The following SRP68 variants were observed in gnomAD, a reference collection of about 807,000 sequenced individuals.
SRP68 encodes signal recognition particle 68, also known as signal recognition particle subunit SRP68.
Under a neutral mutation model 82.2 loss-of-function variants are expected in SRP68, and 15 were observed. The observed-to-expected ratio is 0.18, with a 90% CI of 0.12 to 0.28. The LOEUF (loss-of-function observed/expected upper bound fraction) is 0.28, where lower values mean the gene tolerates loss of function less well. Among genes scored for constraint, SRP68 ranks in the 10% least tolerant of loss-of-function variants. The pLI is 1.00. For synonymous variants in SRP68, 261 were observed against 292.6 expected (o/e 0.89, Z 1.10); for missense variants, 595 against 780.5 (o/e 0.76, Z 2.83).
chr17:76,068,441 G>A (rs2066824099), intron 2 of SRP68, among the ~76,000 whole-genome samples: 1 of 146,716 alleles, frequency 6.8e-6, no homozygotes, highest in Non-Finnish European at 1.5e-5. Context: ...AGGCAACAGA[G>A]CAAGACTGTG....
Position 76,060,125 on chromosome 17 carries a change from CAAAAAAA to C in SRP68, c.837+176_837+182del, listed in dbSNP as rs1168111688. 8.0e-4 allele frequency among the ~76,000 whole-genome samples: 23 copies of C among 28,794 alleles called. No individual in the cohort carries two copies. The Admixed American group carries it at 0.011, about 14-fold the overall frequency. 18.9% of individuals were successfully genotyped at this position (28,794 alleles called of 152,430 possible). A position where few individuals can be genotyped will look rare whatever the true frequency, so the allele number is the denominator to read the frequency against. ...TGGGTGACAGAGCGAGACTCCATCT[CAAAAAAA>C]AAAAAAAAAAAAAAAAAAGAAAAAG... On this transcript the variant is annotated intron_variant, in intron 7 of 15. Transcript: ENST00000307877.
chr17:76,064,254 G>A (rs1350786124), intron 3 of SRP68, 83 bp from the exon 4 acceptor site: 12 of 1,294,738 alleles, frequency 9.3e-6, no homozygotes, highest in Non-Finnish European at 1.3e-5. Context: ...TCGGCTTCTC[G>A]GCTTTTCTTT....
intron 6 of SRP68, chr17:76,060,693 C>A (rs2066746584): frequency 5.4e-6 from 2 of 369,010 alleles, no homozygotes; most frequent in South Asian, 4.4e-5. Flanking sequence ...GATGGTGTGT[C>A]TATAAAGGGC....
At chr17:76,049,105 CAG>C (rs748716624) in intron 9 of SRP68, 1 of 152,190 alleles carries the variant, frequency 6.6e-6, no homozygotes, top group Non-Finnish European at 1.5e-5. Context: ...TTACAAAATG[CAG>C]AGAGTTCTGG....
chr17:76,062,977 A>T (rs556893085), intron 4 of SRP68, among the ~76,000 whole-genome samples: 7 of 150,506 alleles, frequency 4.7e-5, no homozygotes, highest in East Asian at 2.0e-4. Context: ...TCACCGTGTT[A>T]GCCAGGATGG....
chr17:76,072,157 G>A lies in SRP68; in HGVS notation c.184+151C>T, dbSNP rs983396464. The stretch of plus-strand genomic sequence containing the variant: ...ACTAGTCGAGAGACAGACCCCCCCC[G>A]GAATTCTGAGCACCAAAAGGTAAGG... On this transcript the variant is annotated intron_variant, in intron 1 of 15. Transcript: ENST00000307877. The surrounding 1 kb of genome is among the most constrained non-coding windows in gnomAD (Gnocchi z 4.5). The A allele has an allele frequency of 1.6e-6, 2 of 1,236,398 alleles. No individual in the cohort carries two copies. The highest frequency in any genetic ancestry group is 2.2e-6 in the Non-Finnish European group (2 of 900,302). The allele number at this position is 1,236,398 out of a possible 1,614,324, so 76.6% of individuals were successfully genotyped here.
chr17:76,063,687 G>C (rs4789239), intron 4 of SRP68, among the ~76,000 whole-genome samples: 449 of 23,842 alleles, frequency 0.019, 10 homozygotes, highest in African/African-American at 0.12. Flanking sequence ...GACTCTGTCT[G>C]AAAAAAAAAA....
chr17:76,048,572 T>A (rs2066648490), intron 9 of SRP68: 1 of 152,154 alleles, frequency 6.6e-6, no homozygotes, highest in African/African-American at 2.4e-5. Flanking sequence ...GAGGAGCTGA[T>A]CGCTTTGAAG....
chr17:76,070,522 G>T, intron 1 of SRP68, 78 bp from the exon 2 acceptor site: 2 of 1,207,432 alleles, frequency 1.7e-6, no homozygotes, highest in South Asian at 1.2e-5. Flanking sequence ...GTCTATATCT[G>T]TGTCAAACCA....
intron 2 of SRP68, among the ~76,000 whole-genome samples, chr17:76,068,831 G>A (rs919307111): frequency 3.4e-4 from 52 of 152,076 alleles, no homozygotes; most frequent in South Asian, 2.1e-4. Context: ...CTCGAACTCC[G>A]GGGCTTAAGC....
Position 76,072,505 on chromosome 17 carries a change from C to T in SRP68, c.-14G>A, listed in dbSNP as rs960045773. ...CTCAGCAGCCATCTTGCCCCTGCGCCGCAGAGCAAGACGGGATAGGGGAGG... is the reference window on the plus strand; with the variant it reads ...CTCAGCAGCCATCTTGCCCCTGCGCTGCAGAGCAAGACGGGATAGGGGAGG... On this transcript the variant is annotated 5_prime_UTR_variant, in exon 1 of 16. Coordinates refer to ENST00000307877, the MANE Select transcript of SRP68 (RefSeq NM_014230.4). The surrounding 1 kb of genome is among the most constrained non-coding windows in gnomAD (Gnocchi z 4.5). The T allele has an allele frequency of 6.3e-7, 1 of 1,580,586 alleles. No homozygotes were observed. The highest frequency in any genetic ancestry group is 1.1e-5 in the South Asian group (1 of 88,402).
At chr17:76,051,165 C>A (rs1278129107) in intron 8 of SRP68, among the ~76,000 whole-genome samples, 1 of 152,204 alleles carries the variant, frequency 6.6e-6, no homozygotes, top group Non-Finnish European at 1.5e-5. Context: ...ACTCTGAGAA[C>A]AATTTTTAGG....
Position 76,051,509 on chromosome 17 carries a change from C to T in SRP68, c.979-983G>A, listed in dbSNP as rs546019808. On this transcript the variant is annotated intron_variant, in intron 8 of 15. Coordinates refer to ENST00000307877, the MANE Select transcript of SRP68 (RefSeq NM_014230.4). The stretch of plus-strand genomic sequence containing the variant: ...GCTCAAACGAAAACCCAGTGCTGCC[C>T]ACCCCTTTAAGAGATGGTTGGGGGA... 4.6e-5 allele frequency among the ~76,000 whole-genome samples: 7 copies of T among 152,266 alleles called. No individual in the cohort carries two copies. The East Asian group carries it at 1.3e-3, about 29-fold the overall frequency.
At chr17:76,053,476 T>G in intron 8 of SRP68, 1 of 985,412 alleles carries the variant, frequency 1.0e-6, no homozygotes, top group Non-Finnish European at 1.2e-6. Flanking sequence ...CCTCTTTTCC[T>G]GTCGGTAGGG....
intron 9 of SRP68, chr17:76,049,627 C>T (rs1232082611): frequency 6.6e-6 from 1 of 152,160 alleles, no homozygotes; most frequent in Non-Finnish European, 1.5e-5. Flanking sequence ...GCATAAAACC[C>T]AGGGAGTCTG....
Position 76,039,757 on chromosome 17 carries a change from G to T in SRP68, c.1833C>A (p.Thr611=). ...PPLEDKLEQK[T]KSGLTGYIKG... ...TGATGTATCCAGTGAGGCCACTCTT[G>T]GTCTTCTGTTCCAACTTGTCCTCAA... The change falls in exon 16 of 16, where the codon ACC becomes ACA. Residue 611 remains threonine, a synonymous_variant. Transcript: ENST00000307877. The T allele has an allele frequency of 6.2e-7, 1 of 1,614,188 alleles. No homozygotes were observed. Among genetic ancestry groups the T allele is most frequent in the Admixed American group, 1.7e-5 (1 of 60,016 alleles).
At chr17:76,041,110 G>GAACAAAACAA (rs200076584) in intron 13 of SRP68, 132 bp from the exon 14 acceptor site, 3 of 604,738 alleles carry the variant, frequency 5.0e-6, no homozygotes, top group African/African-American at 1.9e-5. Context: ...CTCACTATTA[G>GAACAAAACAA]AACAAAACAA....
At chr17:76,060,530 C>G (rs2066745571) in intron 6 of SRP68, 140 bp from the exon 7 acceptor site, 1 of 602,774 alleles carries the variant, frequency 1.7e-6, no homozygotes, top group Non-Finnish European at 3.0e-6. Context: ...TCTCTGAAGA[C>G]AAGTCTTTTA....
chr17:76,071,876 C>T lies in SRP68; in HGVS notation c.184+432G>A. On this transcript the variant is annotated intron_variant, in intron 1 of 15. Coordinates refer to ENST00000307877, the MANE Select transcript of SRP68 (RefSeq NM_014230.4). The surrounding 1 kb of genome is among the most constrained non-coding windows in gnomAD (Gnocchi z 4.7). ...CTGAGTCAATCTTTACCTCCACTTTCAAAGTATCGAGCTGTAGGTTTTACT... is the reference window on the plus strand; with the variant it reads ...CTGAGTCAATCTTTACCTCCACTTTTAAAGTATCGAGCTGTAGGTTTTACT... 5.3e-6 allele frequency: 1 copy of T among 189,900 alleles called. No individual in the cohort carries two copies. The highest frequency in any genetic ancestry group is 1.1e-5 in the Non-Finnish European group (1 of 94,344). The allele number at this position is 189,900 out of a possible 1,614,324, so 11.8% of individuals were successfully genotyped here. A position where few individuals can be genotyped will look rare whatever the true frequency, so the allele number is the denominator to read the frequency against.
Sources: allele counts gnomAD v4.1 joint callset (sites outside exome capture counted in the v4.1 genomes callset), GRCh38; gene constraint gnomAD v4.1.1; non-coding constraint Gnocchi (gnomAD v3.1); transcripts MANE v1.5; gene names NCBI Gene and HGNC (gene_info 2026-07-23, HGNC 2026-07-21).